The following TTC17 variants were observed in gnomAD, a reference collection of about 807,000 sequenced individuals.
The protein encoded by TTC17 is tetratricopeptide repeat domain 17.
TTC17 carries 58 observed loss-of-function variants against 143.8 expected under a neutral mutation model. The observed-to-expected ratio is 0.40, with a 90% confidence interval of 0.33 to 0.50. The LOEUF (loss-of-function observed/expected upper bound fraction) is 0.50. TTC17 is among the 20% of genes least tolerant of loss of function. The pLI is 0.49. For missense variants in TTC17, 1,273 were observed against 1,392.5 expected (o/e 0.91, Z 1.37); for synonymous variants, 501 against 497.8 (o/e 1.01, Z -0.09).
chr11:43,412,483 G>T (rs550359017), intron 15 of TTC17, among the ~76,000 whole-genome samples: 55 of 152,140 alleles, frequency 3.6e-4, no homozygotes, highest in Middle Eastern at 6.8e-3. Context: ...GAAAACATCA[G>T]ATTTCTAAGA....
chr11:43,398,662 T>A (rs961209283), intron 8 of TTC17, among the ~76,000 whole-genome samples: 4 of 152,216 alleles, frequency 2.6e-5, no homozygotes, highest in African/African-American at 9.7e-5. Flanking sequence ...TATTTGATCC[T>A]TGAGGTATAA....
At chr11:43,364,941 G>A (rs867212514) in intron 1 of TTC17, among the ~76,000 whole-genome samples, 1 of 152,078 alleles carries the variant, frequency 6.6e-6, no homozygotes, top group Non-Finnish European at 1.5e-5. Context: ...GAGTAGCTGG[G>A]ATTATAGGCA....
chr11:43,447,253 T>C lies in TTC17; in HGVS notation c.2666-749T>C, dbSNP rs59622523. ...TTAAAAAAAGAAAAATGGAAAAAAC[T>C]TAACCACATGAGGTTAAGGATGTAA... is the stretch of plus-strand genomic sequence containing the variant. On this transcript the variant is annotated intron_variant, in intron 18 of 23. Transcript: ENST00000039989. Among the ~76,000 whole-genome samples, 49 of 152,170 alleles carry C rather than the reference T, an allele frequency of 3.2e-4. No homozygotes were observed. In the Middle Eastern group the frequency reaches 0.01, roughly 32 times the overall value.
At chr11:43,484,012 C>T (rs1948334276) in intron 21 of TTC17, among the ~76,000 whole-genome samples, 1 of 152,124 alleles carries the variant, frequency 6.6e-6, no homozygotes. Context: ...CGTGGTGGTG[C>T]AGCCCTGTAA....
chr11:43,412,643 G>A (rs908200065), intron 15 of TTC17, among the ~76,000 whole-genome samples: 1 of 152,078 alleles, frequency 6.6e-6, no homozygotes, highest in African/African-American at 2.4e-5. Context: ...GCACCAACCT[G>A]ACACTCAAGG....
intron 21 of TTC17, among the ~76,000 whole-genome samples, chr11:43,469,098 G>C (rs1948039330): frequency 6.6e-6 from 1 of 152,102 alleles, no homozygotes; most frequent in Non-Finnish European, 1.5e-5. Flanking sequence ...CAATATATGT[G>C]TAGTAATTAC....
At chr11:43,362,244 C>T (rs1856146210) in intron 1 of TTC17, among the ~76,000 whole-genome samples, 1 of 151,876 alleles carries the variant, frequency 6.6e-6, no homozygotes, top group South Asian at 2.1e-4. Context: ...TGGTCTCAAA[C>T]TCCAAACCTT....
chr11:43,360,063 C>T (rs1856035633), intron 1 of TTC17, among the ~76,000 whole-genome samples: 1 of 152,154 alleles, frequency 6.6e-6, no homozygotes, highest in South Asian at 2.1e-4. Context: ...TGCAATTTAG[C>T]CCACTGATCT....
intron 19 of TTC17, chr11:43,449,540 G>T (rs1947616617): frequency 6.6e-6 from 1 of 152,204 alleles, no homozygotes; most frequent in Non-Finnish European, 1.5e-5. Context: ...GTAACAGCAG[G>T]GACTAACTAT....
At chr11:43,475,526 G>A (rs1948169459) in intron 21 of TTC17, among the ~76,000 whole-genome samples, 1 of 152,066 alleles carries the variant, frequency 6.6e-6, no homozygotes, top group Non-Finnish European at 1.5e-5. Flanking sequence ...ATAGAGACAA[G>A]GTCTTCCCTG....
chr11:43,451,034 C>T (rs1416576579), intron 20 of TTC17, 148 bp from the exon 21 acceptor site: 2 of 635,772 alleles, frequency 3.1e-6, no homozygotes, highest in Admixed American at 2.8e-5. Flanking sequence ...AATGTGTCTT[C>T]CATAGATTAC....
intron 21 of TTC17, among the ~76,000 whole-genome samples, chr11:43,454,707 T>A (rs1947729167): frequency 6.6e-6 from 1 of 151,832 alleles, no homozygotes; most frequent in South Asian, 2.1e-4. Context: ...AAAACTTAGA[T>A]CAAAAAGCTT....
At chr11:43,454,475 GACAA>G (rs982825774) in intron 21 of TTC17, among the ~76,000 whole-genome samples, 13 of 151,862 alleles carry the variant, frequency 8.6e-5, no homozygotes, top group African/African-American at 1.7e-4. Context: ...AGGGACCAAG[GACAA>G]ACAATTATAT....
chr11:43,422,401 A>C (rs1364642455), intron 16 of TTC17, among the ~76,000 whole-genome samples: 2 of 152,206 alleles, frequency 1.3e-5, no homozygotes, highest in East Asian at 3.9e-4. Flanking sequence ...GATGGGGAAG[A>C]GACCAGGCTA....
At chr11:43,407,773 T>C (rs1224398295) in intron 15 of TTC17, among the ~76,000 whole-genome samples, 196 bp downstream of exon 15, 2 of 152,138 alleles carry the variant, frequency 1.3e-5, no homozygotes, top group Non-Finnish European at 2.9e-5. Context: ...GAGTGAAATT[T>C]ATAATTACAC....
intron 21 of TTC17, among the ~76,000 whole-genome samples, chr11:43,453,967 G>A (rs1276098373): frequency 2.0e-5 from 3 of 152,006 alleles, no homozygotes; most frequent in South Asian, 2.1e-4. Context: ...TCATGTGGCT[G>A]ACTGGCAGCT....
chr11:43,433,643 C>T (rs192032021), intron 16 of TTC17, among the ~76,000 whole-genome samples: 33 of 152,120 alleles, frequency 2.2e-4, no homozygotes, highest in South Asian at 8.3e-4. Context: ...GATATTTTTT[C>T]GTATTGCATA....
chr11:43,458,237 T>A (rs1471246303), intron 21 of TTC17, among the ~76,000 whole-genome samples: 2 of 152,110 alleles, frequency 1.3e-5, no homozygotes, highest in African/African-American at 2.4e-5. Flanking sequence ...GTTTGGTGCC[T>A]CTGGGGAAGC....
chr11:43,470,337 G>A (rs1168199288), intron 21 of TTC17, among the ~76,000 whole-genome samples: 1 of 152,122 alleles, frequency 6.6e-6, no homozygotes, highest in Non-Finnish European at 1.5e-5. Flanking sequence ...AGATAGAAGG[G>A]AACAAATCAA....
Sources: gnomAD v4.1 joint callset for allele counts (sites outside exome capture counted in the v4.1 genomes callset) on GRCh38, gnomAD v4.1.1 for gene constraint, MANE v1.5 for transcripts, NCBI Gene and HGNC (gene_info 2026-07-23, HGNC 2026-07-21) for gene names.